CFAP46: variants seen among roughly 807,000 people sequenced by gnomAD.
CFAP46 encodes the protein cilia- and flagella-associated protein 46.
CFAP46 carries 245 observed loss-of-function variants against 325.7 expected under a neutral mutation model. The ratio of observed to expected loss-of-function variants is 0.75; its 90% CI spans 0.68 to 0.84. The LOEUF (loss-of-function observed/expected upper bound fraction) is 0.84. CFAP46 is among the 40% of genes least tolerant of loss of function. CFAP46 has a pLI of 0.00. For synonymous variants in CFAP46, 1,523 were observed against 1,495.9 expected, an observed-to-expected ratio of 1.02 and a Z score of -0.42; for missense variants, 3,346 against 3,543.0, an observed-to-expected ratio of 0.94 and a Z score of 1.41.
At position 132,876,912 on chromosome 10, in the gene CFAP46, A is replaced by G; in HGVS notation, c.4262T>C (p.Ile1421Thr). 6 of 1,550,570 alleles carry G rather than the reference A, an allele frequency of 3.9e-6. No homozygotes were observed. The highest frequency in any genetic ancestry group is 5.2e-6 in the Non-Finnish European group (6 of 1,146,986). Residue 1421 changes from isoleucine to threonine, a missense_variant, in exon 31 of 58, where the codon ATA (isoleucine) becomes ACA (threonine). Ile to Thr is a moderately conservative substitution (Grantham distance 89). Transcript: ENST00000368586. This position sits in a 1 kb window ranked among gnomAD's most constrained non-coding sequence, Gnocchi z 4.1. ...IKQLEDLPMS[I>T]EEWASYSCPE... ...GCAGGAGTAGGAAGCCCACTCTTCT[A>G]TGCTCATGGGTAAGTCTTCCAGTTG...
At chr10:132,892,729 C>T (rs1564792371) in intron 24 of CFAP46, among the ~76,000 whole-genome samples, 1 of 152,234 alleles carries the variant, frequency 6.6e-6, no homozygotes, top group South Asian at 2.1e-4. Context: ...GCACGTTCAG[C>T]GCCGCTTGAA....
intron 55 of CFAP46, among the ~76,000 whole-genome samples, chr10:132,811,977 G>A (rs1847590101): frequency 6.6e-6 from 1 of 152,244 alleles, no homozygotes; most frequent in Non-Finnish European, 1.5e-5. Context: ...ACCCCACACA[G>A]TGGGGCCATC....
chr10:132,899,776 G>C (rs1849368920), intron 22 of CFAP46, 110 bp from the exon 23 acceptor site: 3 of 1,274,324 alleles, frequency 2.4e-6, no homozygotes, highest in Admixed American at 5.6e-5. Context: ...TTCTAAGATG[G>C]GGCACCTCCT....
intron 35 of CFAP46, among the ~76,000 whole-genome samples, chr10:132,863,526 G>A (rs1231314034): frequency 6.7e-6 from 1 of 149,416 alleles, no homozygotes; most frequent in African/African-American, 2.5e-5. Flanking sequence ...TGTCCCCAAT[G>A]CCTGAGACCT....
intron 25 of CFAP46, among the ~76,000 whole-genome samples, chr10:132,890,026 TCTA>T (rs1849232776): frequency 1.3e-5 from 2 of 152,372 alleles, no homozygotes; most frequent in South Asian, 2.1e-4. Context: ...TATGCTCAAT[TCTA>T]CTTTCTGATT....
chr10:132,906,148 C>A (rs1849452963), intron 22 of CFAP46, among the ~76,000 whole-genome samples: 1 of 152,256 alleles, frequency 6.6e-6, no homozygotes, highest in Non-Finnish European at 1.5e-5. Flanking sequence ...CTGCTCCGGC[C>A]CTTTGCTGCC....
chr10:132,860,581 G>A (rs138583206), intron 36 of CFAP46, 58 bp from the exon 37 acceptor site: 8 of 1,328,424 alleles, frequency 6.0e-6, no homozygotes, highest in Non-Finnish European at 8.5e-6. Context: ...CATGGATACA[G>A]GCCTGAGGAC....
In CFAP46 at chr10:132,885,255, C is replaced by T. The variant is rs907808682; in HGVS notation, c.3475G>A (p.Ala1159Thr). Residue 1159 changes from alanine to threonine, a missense_variant, in exon 27 of 58, where the codon GCC becomes ACC. Transcript: ENST00000368586. ...ATCGAAAAATTCTGCCCGAGCTTGG[C>T]CTTCACGATGACCATGTGCTTGAAG... ...LIFKHMVIVK[A>T]KLGQNFSMEI... The T allele has an allele frequency of 3.9e-6, 6 of 1,549,686 alleles. No homozygotes were observed. The African/African-American group carries it at 8.2e-5, about 21-fold the overall frequency.
At chr10:132,850,477 C>T (rs768664532) in intron 40 of CFAP46, 45 bp from the exon 41 acceptor site, 28 of 1,489,824 alleles carry the variant, frequency 1.9e-5, no homozygotes, top group African/African-American at 5.6e-5. Flanking sequence ...CAAGGGCAAC[C>T]GCCCACCCTG....
In CFAP46 at chr10:132,847,143, G is replaced by T; in HGVS notation, c.6088-32C>A. The T allele has an allele frequency of 6.2e-7, 1 of 1,608,110 alleles. No homozygotes were observed. Among genetic ancestry groups the T allele is most frequent in the Non-Finnish European group, 8.5e-7 (1 of 1,177,778 alleles). On this transcript the variant is annotated intron_variant, in intron 42 of 57. Coordinates refer to ENST00000368586, the MANE Select transcript of CFAP46 (RefSeq NM_001200049.3). This position sits in a 1 kb window ranked among gnomAD's most constrained non-coding sequence, Gnocchi z 5.2. Reference sequence around the variant, plus strand: ...GGCACAAGGCTCAGGCTCAGGCCAGGCTCCGGGCAGAGGCCACACGAGGGG... The same window carrying T: ...GGCACAAGGCTCAGGCTCAGGCCAGTCTCCGGGCAGAGGCCACACGAGGGG...
In CFAP46 at chr10:132,814,622, G is replaced by T. The variant is rs762980782; in HGVS notation, c.7250-10C>A. On this transcript the variant is annotated splice_polypyrimidine_tract_variant and intron_variant, in intron 52 of 57. Transcript: ENST00000368586. The stretch of plus-strand genomic sequence containing the variant: ...TATGGGTCCACGACGACTGGGTCCC[G>T]GTCAAGGAGAAACGGGAGCACAGGG... 6.3e-7 allele frequency: 1 copy of T among 1,577,886 alleles called. No individual in the cohort carries two copies.
chr10:132,820,938 GAT>G (rs1847794509), intron 50 of CFAP46, among the ~76,000 whole-genome samples: 1 of 108,936 alleles, frequency 9.2e-6, no homozygotes. Flanking sequence ...TGTGTGCGCT[GAT>G]GTGTGCTGTG....
At chr10:132,897,818 C>T (rs1440644187) in intron 24 of CFAP46, among the ~76,000 whole-genome samples, 2 of 152,246 alleles carry the variant, frequency 1.3e-5, no homozygotes, top group Admixed American at 1.3e-4. Flanking sequence ...GAGGCAGTCC[C>T]CCGGAGGAGG....
chr10:132,812,942 T>G, intron 54 of CFAP46, 45 bp from the exon 55 acceptor site: 1 of 1,485,642 alleles, frequency 6.7e-7, no homozygotes, highest in Non-Finnish European at 9.3e-7. Flanking sequence ...CATGCACCTG[T>G]ACCAGACCCC....
Position 132,876,739 on chromosome 10 carries a change from T to G in CFAP46, c.4362+73A>C. Reference sequence around the variant, plus strand: ...TCTGGCTACAGTTCACAGTGAAAACTGGACTTGGGGACAGGTCAAGGGGAC... The same window carrying G: ...TCTGGCTACAGTTCACAGTGAAAACGGGACTTGGGGACAGGTCAAGGGGAC... On this transcript the variant is annotated intron_variant, in intron 31 of 57. Transcript: ENST00000368586. This position sits in a 1 kb window ranked among gnomAD's most constrained non-coding sequence, Gnocchi z 4.1. 6.9e-7 allele frequency: 1 copy of G among 1,440,564 alleles called. No homozygotes were observed. Among genetic ancestry groups the G allele is most frequent in the Non-Finnish European group, 9.3e-7 (1 of 1,079,908 alleles). 89.2% of individuals were successfully genotyped at this position (1,440,564 alleles called of 1,614,324 possible). A position where few individuals can be genotyped will look rare whatever the true frequency, so the allele number is the denominator to read the frequency against.
intron 50 of CFAP46, among the ~76,000 whole-genome samples, chr10:132,822,096 G>A (rs1193205475): frequency 6.8e-6 from 1 of 147,208 alleles, no homozygotes; most frequent in East Asian, 2.1e-4. Flanking sequence ...TGTGTGCTGT[G>A]TGAGTGCTGA....
At chr10:132,914,976 A>C (rs1374965120) in intron 17 of CFAP46, among the ~76,000 whole-genome samples, 2 of 152,220 alleles carry the variant, frequency 1.3e-5, no homozygotes, top group African/African-American at 4.8e-5. Context: ...GGGAGCCGTC[A>C]CACCGAGCGC....
At chr10:132,864,464 C>G (rs866024067) in intron 35 of CFAP46, among the ~76,000 whole-genome samples, 2,422 of 105,444 alleles carry the variant, frequency 0.023, 185 homozygotes, top group Non-Finnish European at 0.033. Context: ...ACCTGTCCCC[C>G]TGCCTGAGAC....
Position 132,876,723 on chromosome 10 carries a change from A to G in CFAP46, c.4362+89T>C. 7.4e-7 allele frequency: 1 copy of G among 1,349,442 alleles called. No homozygotes were observed. Among genetic ancestry groups the G allele is most frequent in the Non-Finnish European group, 1.0e-6 (1 of 1,002,354 alleles). 83.6% of individuals were successfully genotyped at this position (1,349,442 alleles called of 1,614,324 possible). A position where few individuals can be genotyped will look rare whatever the true frequency, so the allele number is the denominator to read the frequency against. On this transcript the variant is annotated intron_variant, in intron 31 of 57. Coordinates refer to ENST00000368586, the MANE Select transcript of CFAP46 (RefSeq NM_001200049.3). The surrounding 1 kb of genome is among the most constrained non-coding windows in gnomAD (Gnocchi z 4.1). ...GTCCTGTCCTCCTTTTTCTGGCTACAGTTCACAGTGAAAACTGGACTTGGG... is the reference window on the plus strand; with the variant it reads ...GTCCTGTCCTCCTTTTTCTGGCTACGGTTCACAGTGAAAACTGGACTTGGG...
Sources: gnomAD v4.1 joint callset for allele counts (sites outside exome capture counted in the v4.1 genomes callset) on GRCh38, gnomAD v4.1.1 for gene constraint, Gnocchi (gnomAD v3.1) non-coding constraint, MANE v1.5 for transcripts, NCBI Gene and HGNC (gene_info 2026-07-23, HGNC 2026-07-21) for gene names.